The following GRIN2A variants were observed in gnomAD, a reference collection of about 807,000 sequenced individuals.
GRIN2A encodes glutamate ionotropic receptor NMDA type subunit 2A.
GRIN2A carries 22 observed loss-of-function variants against 113.4 expected under a neutral mutation model. That is an observed-to-expected ratio of 0.19 (90% CI 0.14 to 0.28). The LOEUF is 0.28. Among genes scored for constraint, GRIN2A ranks in the 10% least tolerant of loss-of-function variants. The pLI is 1.00. For synonymous variants in GRIN2A, 827 were observed against 738.4 expected (o/e 1.12, Z -1.94); for missense variants, 1,502 against 1,887.0 (o/e 0.80, Z 3.78).
chr16:10,101,307 G>C (rs2048389348), intron 2 of GRIN2A, among the ~76,000 whole-genome samples: 1 of 152,136 alleles, frequency 6.6e-6, no homozygotes, highest in African/African-American at 2.4e-5. Flanking sequence ...CTCCATCTCA[G>C]CATCTGTTTC....
In GRIN2A at chr16:9,830,082, C is replaced by T. The variant is rs116383984; in HGVS notation, c.1778-430G>A. Among the ~76,000 whole-genome samples the T allele has an allele frequency of 9.9e-3, 1,515 of 152,296 alleles. 19 individuals carry two copies. Among genetic ancestry groups the T allele is most frequent in the African/African-American group, 0.034 (1,410 of 41,562 alleles). On this transcript the variant is annotated intron_variant, in intron 8 of 12. Coordinates refer to ENST00000330684, the MANE Select transcript of GRIN2A (RefSeq NM_001134407.3). ...ATCGTATAAGAACCATGCAATTCAGCGGGACTGATGTTTGGTATTCTAATC... is the reference window on the plus strand; with the variant it reads ...ATCGTATAAGAACCATGCAATTCAGTGGGACTGATGTTTGGTATTCTAATC...
At chr16:10,065,040 A>T (rs1324940080) in intron 2 of GRIN2A, among the ~76,000 whole-genome samples, 1 of 152,220 alleles carries the variant, frequency 6.6e-6, no homozygotes, top group East Asian at 1.9e-4. Flanking sequence ...CATGCAAAAA[A>T]TTACAGGGAA....
intron 2 of GRIN2A, among the ~76,000 whole-genome samples, chr16:9,986,441 C>T (rs2045980301): frequency 6.6e-6 from 1 of 152,038 alleles, no homozygotes; most frequent in Non-Finnish European, 1.5e-5. Context: ...TCTGTTTTAA[C>T]AATGTACAAT....
intron 2 of GRIN2A, 155 bp from the exon 3 acceptor site, chr16:9,938,706 C>G (rs978683253): frequency 1.3e-5 from 9 of 672,602 alleles, no homozygotes; most frequent in African/African-American, 5.3e-5. Flanking sequence ...AGAACAGATC[C>G]TGCAAATACA....
At chr16:10,073,449 C>T (rs1467406261) in intron 2 of GRIN2A, among the ~76,000 whole-genome samples, 1 of 152,078 alleles carries the variant, frequency 6.6e-6, no homozygotes, top group Non-Finnish European at 1.5e-5. Flanking sequence ...GTAGTTTTGG[C>T]CACTGAAGTC....
At chr16:9,832,681 T>C (rs976104562) in intron 8 of GRIN2A, among the ~76,000 whole-genome samples, 4 of 152,190 alleles carry the variant, frequency 2.6e-5, no homozygotes, top group African/African-American at 9.6e-5. Flanking sequence ...ATTATGCAAA[T>C]ATAAGGAACT....
At chr16:9,791,012 TTA>T (rs1259251516) in intron 11 of GRIN2A, among the ~76,000 whole-genome samples, 1 of 152,188 alleles carries the variant, frequency 6.6e-6, no homozygotes, top group Non-Finnish European at 1.5e-5. Context: ...ACTAGCTTCT[TTA>T]TGTTTATTTT....
chr16:9,873,216 G>T (rs1170236745), intron 4 of GRIN2A, among the ~76,000 whole-genome samples: 1 of 152,152 alleles, frequency 6.6e-6, no homozygotes, highest in Non-Finnish European at 1.5e-5. Flanking sequence ...TGAGGGAAGA[G>T]GCTGAAGAGA....
At chr16:10,149,569 G>A (rs1070474) in intron 2 of GRIN2A, among the ~76,000 whole-genome samples, 3 of 151,792 alleles carry the variant, frequency 2.0e-5, no homozygotes, top group Non-Finnish European at 4.4e-5. Flanking sequence ...CTGTTACTCC[G>A]CACATCAAAT....
chr16:9,944,576 T>C (rs926011061), intron 2 of GRIN2A, among the ~76,000 whole-genome samples: 1 of 152,220 alleles, frequency 6.6e-6, no homozygotes, highest in East Asian at 1.9e-4. Context: ...GTCTTATTAT[T>C]ATCCCTGCAT....
intron 2 of GRIN2A, among the ~76,000 whole-genome samples, chr16:10,005,816 G>A (rs2046395859): frequency 6.6e-6 from 1 of 152,078 alleles, no homozygotes; most frequent in Non-Finnish European, 1.5e-5. Flanking sequence ...AGACAAAAAG[G>A]GGAAGTTTTC....
intron 10 of GRIN2A, among the ~76,000 whole-genome samples, chr16:9,816,545 T>C (rs1253241454): frequency 6.6e-6 from 1 of 152,182 alleles, no homozygotes; most frequent in Non-Finnish European, 1.5e-5. Context: ...TATTAGGCTC[T>C]TCGGAGTTCT....
intron 4 of GRIN2A, among the ~76,000 whole-genome samples, chr16:9,880,917 C>A (rs1483034658): frequency 2.0e-5 from 3 of 152,190 alleles, no homozygotes; most frequent in Non-Finnish European, 4.4e-5. Context: ...TGCTCTCCTG[C>A]AGTTACGAGC....
At chr16:10,124,149 T>A (rs59968382) in intron 2 of GRIN2A, among the ~76,000 whole-genome samples, 11,499 of 152,206 alleles carry the variant, frequency 0.076, 502 homozygotes, top group Admixed American at 0.11. Context: ...GTGCACTATA[T>A]TGTCATAGTC....
chr16:9,794,388 G>C (rs775939931), intron 11 of GRIN2A, among the ~76,000 whole-genome samples: 1 of 152,182 alleles, frequency 6.6e-6, no homozygotes, highest in Non-Finnish European at 1.5e-5. Flanking sequence ...CCATTCTAGA[G>C]GATGAATAAT....
intron 2 of GRIN2A, among the ~76,000 whole-genome samples, chr16:10,078,097 A>T (rs1424539723): frequency 6.6e-6 from 1 of 152,190 alleles, no homozygotes; most frequent in Non-Finnish European, 1.5e-5. Context: ...GCACTCATCC[A>T]GCTGTGCGGT....
chr16:9,962,779 C>G (rs1159103396), intron 2 of GRIN2A, among the ~76,000 whole-genome samples: 3 of 151,886 alleles, frequency 2.0e-5, no homozygotes, highest in African/African-American at 4.8e-5. Context: ...GAGTATATAC[C>G]CAAAGGATTA....
intron 11 of GRIN2A, among the ~76,000 whole-genome samples, chr16:9,777,993 A>G (rs752354498): frequency 1.6e-4 from 25 of 152,336 alleles, no homozygotes; most frequent in Non-Finnish European, 3.2e-4. Flanking sequence ...TGAACCTGGG[A>G]GGTGGAGGTT....
chr16:9,932,384 T>A (rs2044613906), intron 3 of GRIN2A, among the ~76,000 whole-genome samples: 1 of 151,978 alleles, frequency 6.6e-6, no homozygotes, highest in South Asian at 2.1e-4. Context: ...TTTTATTTTA[T>A]TTTTTTTGAG....
Sources: allele counts gnomAD v4.1 joint callset (sites outside exome capture counted in the v4.1 genomes callset), GRCh38; gene constraint gnomAD v4.1.1; transcripts MANE v1.5; gene names NCBI Gene and HGNC (gene_info 2026-07-23, HGNC 2026-07-21).